CCSER1: variants seen among roughly 807,000 people sequenced by gnomAD.
CCSER1 encodes the protein coiled-coil serine rich protein 1.
In CCSER1, 41 loss-of-function variants were observed where a neutral mutation model predicts 82.0. That is an observed-to-expected ratio of 0.50 (90% CI 0.39 to 0.65). The LOEUF is 0.65. Among genes scored for constraint, CCSER1 ranks in the 30% least tolerant of loss-of-function variants. The pLI is 0.00. For synonymous variants in CCSER1, 414 were observed against 383.9 expected (o/e 1.08, Z -0.92); for missense variants, 1,119 against 1,064.2 (o/e 1.05, Z -0.72).
Position 91,601,458 on chromosome 4 carries a change from C to T in CCSER1, c.*2401C>T, listed in dbSNP as rs1016809137. ...CAGGCCTGGAGAAGGTGTAAGCCCA[C>T]TATGCTAATGTACATCAGTAACTGT... On this transcript the variant is annotated 3_prime_UTR_variant, in exon 11 of 11. Coordinates refer to ENST00000509176, the MANE Select transcript of CCSER1 (RefSeq NM_001145065.2). 6.6e-6 allele frequency: 1 copy of T among 151,994 alleles called. No individual in the cohort carries two copies. Among genetic ancestry groups the T allele is most frequent in the Non-Finnish European group, 1.5e-5 (1 of 67,944 alleles). The allele number at this position is 151,994 out of a possible 1,614,324, so 9.4% of individuals were successfully genotyped here. A position where few individuals can be genotyped will look rare whatever the true frequency, so the allele number is the denominator to read the frequency against.
intron 9 of CCSER1, among the ~76,000 whole-genome samples, chr4:90,948,059 C>T (rs562353145): frequency 6.6e-6 from 1 of 152,036 alleles, no homozygotes; most frequent in African/African-American, 2.4e-5. Context: ...AATTTTAGTT[C>T]ATAAACAAAG....
chr4:91,328,574 T>C (rs1746726825), intron 10 of CCSER1, among the ~76,000 whole-genome samples: 1 of 151,982 alleles, frequency 6.6e-6, no homozygotes, highest in Admixed American at 6.6e-5. Flanking sequence ...ACCACAGAAA[T>C]ATTTTCCGAA....
intron 10 of CCSER1, among the ~76,000 whole-genome samples, chr4:91,419,032 C>T (rs79179809): frequency 0.023 from 3,568 of 151,882 alleles, 128 homozygotes; most frequent in African/African-American, 0.08. Flanking sequence ...AATTTTTCAA[C>T]ACTTTTTCAC....
intron 9 of CCSER1, among the ~76,000 whole-genome samples, chr4:90,968,416 C>T (rs961356038): frequency 1.3e-5 from 2 of 151,984 alleles, no homozygotes; most frequent in African/African-American, 2.4e-5. Flanking sequence ...CACATGCAAA[C>T]CTCTGAAGAC....
intron 10 of CCSER1, among the ~76,000 whole-genome samples, chr4:91,095,659 G>A (rs369835595): frequency 6.6e-6 from 1 of 152,140 alleles, no homozygotes; most frequent in Non-Finnish European, 1.5e-5. Flanking sequence ...GTGTACATAC[G>A]ATAGGCCTCA....
At chr4:91,367,385 A>G (rs1749702249) in intron 10 of CCSER1, among the ~76,000 whole-genome samples, 1 of 148,628 alleles carries the variant, frequency 6.7e-6, no homozygotes, top group South Asian at 2.1e-4. Flanking sequence ...GGTTGTAAGG[A>G]TGAGATCCAT....
intron 8 of CCSER1, among the ~76,000 whole-genome samples, chr4:90,825,366 CTTCT>C (rs1410567673): frequency 4.6e-5 from 7 of 152,078 alleles, no homozygotes; most frequent in Non-Finnish European, 8.8e-5. Flanking sequence ...TACAAACTAT[CTTCT>C]TTATTTTATA....
intron 10 of CCSER1, among the ~76,000 whole-genome samples, chr4:91,517,745 C>CGT (rs71579530): frequency 0.039 from 4,778 of 121,100 alleles, 100 homozygotes; most frequent in Middle Eastern, 0.062. Context: ...AGTTCTTTCT[C>CGT]GTGTGTGTGT....
rs903688661 is a variant in CCSER1, at chr4:91,601,348, A to AT, written c.*2297dup. 6.6e-6 allele frequency: 1 copy of AT among 151,998 alleles called. No homozygotes were observed. Among genetic ancestry groups the AT allele is most frequent in the African/African-American group, 2.4e-5 (1 of 41,406 alleles). 9.4% of individuals were successfully genotyped at this position (151,998 alleles called of 1,614,324 possible). ...ACAGTTCGATTTTAAAAGGAAGGGTATTTTTTGGAAATATCATCTTAAAGC... is the reference window on the plus strand; with the variant it reads ...ACAGTTCGATTTTAAAAGGAAGGGTATTTTTTTGGAAATATCATCTTAAAGC... On this transcript the variant is annotated 3_prime_UTR_variant, in exon 11 of 11. Transcript: ENST00000509176.
chr4:90,373,514 A>G (rs1747802296), intron 3 of CCSER1, among the ~76,000 whole-genome samples: 1 of 152,226 alleles, frequency 6.6e-6, no homozygotes, highest in African/African-American at 2.4e-5. Flanking sequence ...TTGAAAGTAC[A>G]GTTAAACAAT....
At chr4:91,348,017 G>A (rs888234539) in intron 10 of CCSER1, among the ~76,000 whole-genome samples, 2 of 151,978 alleles carry the variant, frequency 1.3e-5, no homozygotes, top group African/African-American at 2.4e-5. Flanking sequence ...ATGATGTTGA[G>A]TAGAAGTGTA....
chr4:91,341,533 T>C (rs1228577516), intron 10 of CCSER1, among the ~76,000 whole-genome samples: 1 of 152,034 alleles, frequency 6.6e-6, no homozygotes, highest in East Asian at 1.9e-4. Flanking sequence ...AAAATGATAG[T>C]TTTTTGGTTG....
intron 10 of CCSER1, among the ~76,000 whole-genome samples, chr4:91,190,153 C>A (rs1056793340): frequency 6.6e-6 from 1 of 152,220 alleles, no homozygotes; most frequent in African/African-American, 2.4e-5. Context: ...TCATGTAGAA[C>A]ATGTTTCCCT....
intron 1 of CCSER1, among the ~76,000 whole-genome samples, chr4:90,196,370 G>T (rs1346874101): frequency 3.3e-5 from 5 of 151,996 alleles, no homozygotes; most frequent in Admixed American, 3.3e-4. Context: ...GTGGGATACT[G>T]ATTGACAGCC....
At chr4:90,435,766 C>T (rs981034695) in intron 4 of CCSER1, among the ~76,000 whole-genome samples, 5 of 151,840 alleles carry the variant, frequency 3.3e-5, no homozygotes, top group African/African-American at 4.8e-5. Flanking sequence ...GGTAATGATA[C>T]GTAAAATTTC....
intron 5 of CCSER1, among the ~76,000 whole-genome samples, chr4:90,611,150 C>T (rs1175872617): frequency 6.8e-6 from 1 of 146,634 alleles, no homozygotes; most frequent in African/African-American, 2.6e-5. Context: ...CCACTCGCCT[C>T]AGCCTCCCAA....
intron 10 of CCSER1, among the ~76,000 whole-genome samples, chr4:91,182,949 T>C (rs564555662): frequency 3.0e-4 from 46 of 152,370 alleles, no homozygotes; most frequent in Admixed American, 1.2e-3. Context: ...TTCCAGGTAA[T>C]GCTGTATCTG....
chr4:91,171,097 T>G (rs912448523), intron 10 of CCSER1, among the ~76,000 whole-genome samples: 2 of 152,236 alleles, frequency 1.3e-5, no homozygotes, highest in South Asian at 2.1e-4. Flanking sequence ...TTTTCCAAAA[T>G]AGAATAGAAA....
chr4:90,684,564 A>C (rs1734465177), intron 6 of CCSER1, among the ~76,000 whole-genome samples: 1 of 152,204 alleles, frequency 6.6e-6, no homozygotes, highest in Non-Finnish European at 1.5e-5. Context: ...CTGAGCCAGG[A>C]AGCATATAAC....
Sources: gnomAD v4.1 joint callset for allele counts (sites outside exome capture counted in the v4.1 genomes callset) on GRCh38, gnomAD v4.1.1 for gene constraint, MANE v1.5 for transcripts, NCBI Gene and HGNC (gene_info 2026-07-23, HGNC 2026-07-21) for gene names.